Variants in PDE4B observed in about 807,000 individuals in gnomAD.
The protein encoded by PDE4B is 3',5'-cyclic-AMP phosphodiesterase 4B.
Under a neutral mutation model 82.2 loss-of-function variants are expected in PDE4B, and 20 were observed. That is an observed-to-expected ratio of 0.24 (90% CI 0.17 to 0.35). The LOEUF (loss-of-function observed/expected upper bound fraction) is 0.35. Ranked by LOEUF, PDE4B falls within the 10% of genes least tolerant of loss-of-function variation. PDE4B has a pLI of 1.00. For synonymous variants in PDE4B, 320 were observed against 318.9 expected, an observed-to-expected ratio of 1.00 and a Z score of -0.04; for missense variants, 655 against 907.2, an observed-to-expected ratio of 0.72 and a Z score of 3.57.
intron 1 of PDE4B, among the ~76,000 whole-genome samples, chr1:65,878,397 T>C (rs1646672211): frequency 6.6e-6 from 1 of 152,166 alleles, no homozygotes; most frequent in Non-Finnish European, 1.5e-5. Flanking sequence ...ACCCAAAGGA[T>C]TATATATCAT....
chr1:66,306,654 T>C (rs1658299537), intron 7 of PDE4B, among the ~76,000 whole-genome samples: 1 of 152,166 alleles, frequency 6.6e-6, no homozygotes, highest in African/African-American at 2.4e-5. Flanking sequence ...TTTTAAATAT[T>C]GCATTATAGA....
At chr1:66,140,558 A>T (rs1646152173) in intron 3 of PDE4B, among the ~76,000 whole-genome samples, 1 of 152,250 alleles carries the variant, frequency 6.6e-6, no homozygotes, top group Non-Finnish European at 1.5e-5. Flanking sequence ...GCATTGTTTT[A>T]TAATGCAAAA....
At position 65,978,025 on chromosome 1, in the gene PDE4B, A is replaced by AT. The variant is rs5774781; in HGVS notation, c.281+59209dup. Among the ~76,000 whole-genome samples the AT allele has an allele frequency of 5.9e-4, 62 of 104,722 alleles. 1 individual carries two copies. Among genetic ancestry groups the AT allele is most frequent in the African/African-American group, 1.9e-3 (56 of 28,794 alleles). 68.7% of individuals were successfully genotyped at this position (104,722 alleles called of 152,430 possible). A position where few individuals can be genotyped will look rare whatever the true frequency, so the allele number is the denominator to read the frequency against. On this transcript the variant is annotated intron_variant, in intron 3 of 16. Transcript: ENST00000341517. ...TAATTTTAATTTAATTTAATTTTTA[A>AT]TTTTTTTTTTTTTTTTTTTGAGATG...
At chr1:65,887,251 CTTTCTTTCTTTCCTTCCTTCTTTCTTTCT>C (rs1646795289) in intron 1 of PDE4B, among the ~76,000 whole-genome samples, 1 of 27,928 alleles carries the variant, frequency 3.6e-5, no homozygotes, top group African/African-American at 1.5e-4. Context: ...TCTTTCTTTT[CTTTCTTTCTTTCCTTCCTTCTTTCTTTCT>C]TTTTCTTTCT....
intron 3 of PDE4B, among the ~76,000 whole-genome samples, chr1:66,155,188 C>T (rs1214690430): frequency 1.3e-5 from 2 of 151,620 alleles, no homozygotes; most frequent in Non-Finnish European, 3.0e-5. Flanking sequence ...AGCCAAGGTG[C>T]CTTTGGAGTC....
At chr1:66,238,981 A>G in intron 3 of PDE4B, among the ~76,000 whole-genome samples, 1 of 152,192 alleles carries the variant, frequency 6.6e-6, no homozygotes, top group East Asian at 1.9e-4. Flanking sequence ...GTAGGTGAGA[A>G]CTTACAAAAG....
chr1:66,172,813 T>C (rs1371766380), intron 3 of PDE4B, among the ~76,000 whole-genome samples: 3 of 152,204 alleles, frequency 2.0e-5, no homozygotes, highest in Admixed American at 6.5e-5. Flanking sequence ...AGCTCTTTTT[T>C]TGGAAATCCA....
chr1:66,260,421 G>A lies in PDE4B; in HGVS notation c.584+2558G>A, dbSNP rs147363271. Among the ~76,000 whole-genome samples, 602 of 152,132 alleles carry A rather than the reference G, an allele frequency of 4.0e-3. 3 individuals are homozygous for A. The highest frequency in any genetic ancestry group is 0.014 in the African/African-American group (593 of 41,390). On this transcript the variant is annotated intron_variant, in intron 6 of 16. Coordinates refer to ENST00000341517, the MANE Select transcript of PDE4B (RefSeq NM_002600.4). ...GAACTTATGGAATAGATGAAGGTCA[G>A]AAAGCCTGAAGACAGAGACAGTAGC...
At chr1:66,362,575 C>A (rs967261859) in intron 10 of PDE4B, among the ~76,000 whole-genome samples, 2 of 152,212 alleles carry the variant, frequency 1.3e-5, no homozygotes, top group Admixed American at 1.3e-4. Flanking sequence ...AATCAGATAA[C>A]CTTGGAATAA....
chr1:65,985,780 C>T (rs1051910768), intron 3 of PDE4B, among the ~76,000 whole-genome samples: 1 of 152,078 alleles, frequency 6.6e-6, no homozygotes, highest in African/African-American at 2.4e-5. Context: ...AATCTGCCTT[C>T]TCAGAATGTG....
In PDE4B at chr1:65,966,104, A is replaced by G. The variant is rs575852189; in HGVS notation, c.281+47269A>G. Among the ~76,000 whole-genome samples the G allele has an allele frequency of 2.0e-3, 311 of 152,300 alleles. 3 individuals carry two copies. Among genetic ancestry groups the G allele is most frequent in the African/African-American group, 6.9e-3 (288 of 41,570 alleles). On this transcript the variant is annotated intron_variant, in intron 3 of 16. Coordinates refer to ENST00000341517, the MANE Select transcript of PDE4B (RefSeq NM_002600.4). ...ATTCAAATAGGAAGAGAGGAAGTCAAATTGTCTCTGTCTGCAGATGACATG... is the reference window on the plus strand; with the variant it reads ...ATTCAAATAGGAAGAGAGGAAGTCAGATTGTCTCTGTCTGCAGATGACATG...
chr1:66,092,005 C>T (rs1156466653), intron 3 of PDE4B, among the ~76,000 whole-genome samples: 2 of 152,002 alleles, frequency 1.3e-5, no homozygotes, highest in Non-Finnish European at 2.9e-5. Context: ...ATCGGCTATT[C>T]ATCCTTGCAT....
intron 3 of PDE4B, among the ~76,000 whole-genome samples, chr1:66,021,000 T>C (rs1001810672): frequency 6.6e-6 from 1 of 152,218 alleles, no homozygotes; most frequent in Non-Finnish European, 1.5e-5. Flanking sequence ...TTTTTAATGA[T>C]TGCCATTCTA....
At chr1:65,917,338 G>A (rs1384441170) in intron 2 of PDE4B, among the ~76,000 whole-genome samples, 1 of 152,178 alleles carries the variant, frequency 6.6e-6, no homozygotes, top group Non-Finnish European at 1.5e-5. Context: ...CTCCTAACTC[G>A]AGTCTGAAGA....
intron 4 of PDE4B, chr1:66,257,418 A>T (rs537071534): frequency 5.5e-6 from 4 of 733,808 alleles, no homozygotes. Flanking sequence ...AAATGCTTTT[A>T]TGTGTAGTCA....
At chr1:66,129,659 C>CCAA (rs1645896127) in intron 3 of PDE4B, among the ~76,000 whole-genome samples, 1 of 94,782 alleles carries the variant, frequency 1.1e-5, no homozygotes, top group African/African-American at 4.6e-5. Context: ...GACTCCGTCT[C>CCAA]AAAAAAAAAA....
intron 2 of PDE4B, 34 bp from the exon 3 acceptor site, chr1:65,918,561 TTC>T: frequency 2.4e-6 from 3 of 1,235,632 alleles, no homozygotes; most frequent in Non-Finnish European, 3.6e-6. Flanking sequence ...TTCATTTTCT[TTC>T]TCTTCTTTTT....
At chr1:66,322,115 C>T (rs1659446673) in intron 7 of PDE4B, among the ~76,000 whole-genome samples, 1 of 152,072 alleles carries the variant, frequency 6.6e-6, no homozygotes, top group Non-Finnish European at 1.5e-5. Flanking sequence ...AACTGGCTAG[C>T]CATAAGTAGA....
Position 66,372,437 on chromosome 1 carries a change from C to G in PDE4B, c.1970C>G (p.Pro657Arg). The change falls in exon 17 of 17, where the codon CCT becomes CGT. Residue 657 changes from proline to arginine, a missense_variant. Transcript: ENST00000341517. ...AGGAACTGGTATCAGAGCATGATAC[C>G]TCAAAGTCCCTCACCACCACTGGAC... ...DNRNWYQSMI[P>R]QSPSPPLDEQ... 1 of 1,614,096 alleles carries G rather than the reference C, an allele frequency of 6.2e-7. No homozygotes were observed.
Sources: allele counts gnomAD v4.1 joint callset (sites outside exome capture counted in the v4.1 genomes callset), GRCh38; gene constraint gnomAD v4.1.1; transcripts MANE v1.5; gene names NCBI Gene and HGNC (gene_info 2026-07-23, HGNC 2026-07-21).